SLC12A5: variants seen among roughly 807,000 people sequenced by gnomAD.
SLC12A5 encodes the protein K-Cl cotransporter 2.
In SLC12A5, 18 loss-of-function variants were observed where a neutral mutation model predicts 124.0. The observed-to-expected ratio is 0.15, with a 90% CI of 0.10 to 0.22. The LOEUF (loss-of-function observed/expected upper bound fraction) is 0.22, where lower values mean the gene tolerates loss of function less well. SLC12A5 is among the 10% of genes least tolerant of loss of function. The pLI, the probability that SLC12A5 is intolerant of heterozygous loss-of-function variation, is 1.00. For synonymous variants in SLC12A5, 589 were observed against 568.0 expected (o/e 1.04, Z -0.53); for missense variants, 867 against 1,478.7 (o/e 0.59, Z 6.78).
intron 7 of SLC12A5, 66 bp from the exon 8 acceptor site, chr20:46,041,263 G>T: frequency 1.4e-6 from 2 of 1,403,916 alleles, no homozygotes; most frequent in East Asian, 4.6e-5. Flanking sequence ...TCTCCCGGTG[G>T]CTGTATTGTG....
chr20:46,046,035 G>A, intron 13 of SLC12A5, 39 bp downstream of exon 13: 7 of 1,583,066 alleles, frequency 4.4e-6, no homozygotes, highest in Non-Finnish European at 6.1e-6. Flanking sequence ...CTGGTTCAGG[G>A]TGTTTCTCTA....
At chr20:46,041,747 C>A (rs762173156) in intron 8 of SLC12A5, among the ~76,000 whole-genome samples, 2 of 152,200 alleles carry the variant, frequency 1.3e-5, no homozygotes, top group Non-Finnish European at 2.9e-5. Flanking sequence ...GAAAAGAAGT[C>A]ATCAACGTAA....
intron 21 of SLC12A5, 42 bp downstream of exon 21, chr20:46,055,065 G>A: frequency 6.7e-7 from 1 of 1,486,816 alleles, no homozygotes; most frequent in East Asian, 2.3e-5. Context: ...TCAAACTGCT[G>A]CCAGTTCTGG....
rs776313049 is a variant in SLC12A5 at position 46,045,159 on chromosome 20, C to T, written c.1569+19C>T. The T allele has an allele frequency of 2.6e-6, 4 of 1,548,912 alleles. No homozygotes were observed. In the East Asian group the frequency reaches 9.0e-5, roughly 35 times the overall value. ...CCTGCAGGTCAGTGTGGGAGAAGAA[C>T]AGCCCACCCTCAGTAGACCAGCCAG... On this transcript the variant is annotated intron_variant, in intron 12 of 25. Coordinates refer to ENST00000243964, the MANE Select transcript of SLC12A5 (RefSeq NM_020708.5). This position sits in a 1 kb window ranked among gnomAD's most constrained non-coding sequence, Gnocchi z 4.9.
At chr20:46,025,478 C>T (rs1246662965), upstream of SLC12A5, among the ~76,000 whole-genome samples, 1 of 152,120 alleles carries the variant, frequency 6.6e-6, no homozygotes. Context: ...TCTCATCCCC[C>T]TCCTCTCCCC....
rs201268862 is a variant in SLC12A5 at position 46,053,031 on chromosome 20, C to A, written c.2452C>A (p.Pro818Thr). Residue 818 changes from proline to threonine, a missense_variant, in exon 19 of 26, where the codon CCT becomes ACT. Coordinates refer to ENST00000243964, the MANE Select transcript of SLC12A5 (RefSeq NM_020708.5). The surrounding 1 kb of genome is among the most constrained non-coding windows in gnomAD (Gnocchi z 4.7). ...GAACGTTTCCATGTTTCCTGGGAAC[C>A]CTGAGCGCTTCTCTGAGGGCAGCAT... is the stretch of plus-strand genomic sequence containing the variant. ...TKNVSMFPGN[P>T]ERFSEGSIDV... 6 of 1,614,042 alleles carry A rather than the reference C, an allele frequency of 3.7e-6. No individual in the cohort carries two copies. In the Admixed American group the frequency reaches 5.0e-5, roughly 13 times the overall value.
At chr20:46,051,062 G>C (rs2084642282) in intron 17 of SLC12A5, among the ~76,000 whole-genome samples, 1 of 152,188 alleles carries the variant, frequency 6.6e-6, no homozygotes, top group South Asian at 2.1e-4. Context: ...GTGGTTAAGA[G>C]TGTGGGGGTT....
intron 3 of SLC12A5, 50 bp downstream of exon 3, chr20:46,035,585 TGGGGGA>T: frequency 3.2e-6 from 1 of 308,086 alleles, no homozygotes; most frequent in Non-Finnish European, 5.4e-6. Context: ...GGATGGGGGG[TGGGGGA>T]GGATGGGGGA....
At chr20:46,046,263 C>T in intron 13 of SLC12A5, 75 bp from the exon 14 acceptor site, 2 of 1,353,246 alleles carry the variant, frequency 1.5e-6, no homozygotes, top group Admixed American at 3.5e-5. Context: ...TTCCCCCTTT[C>T]TCTGCCCATG....
chr20:46,054,325 G>A (rs6032637), intron 20 of SLC12A5, among the ~76,000 whole-genome samples: 28,670 of 152,154 alleles, frequency 0.19, 2,890 homozygotes, highest in South Asian at 0.29. Context: ...TGCCATTGAC[G>A]CACATACAAT....
chr20:46,021,953 C>G, intron 1 of SLC12A5: 1 of 1,413,926 alleles, frequency 7.1e-7, no homozygotes, highest in Non-Finnish European at 9.2e-7. Context: ...CGGGGCGGAC[C>G]GTCTGTTGAA....
chr20:46,042,733 G>A (rs2084558649), intron 8 of SLC12A5, among the ~76,000 whole-genome samples: 1 of 152,120 alleles, frequency 6.6e-6, no homozygotes, highest in Non-Finnish European at 1.5e-5. Flanking sequence ...GTTGGAGGTG[G>A]TATTGAAGTT....
intron 18 of SLC12A5, 132 bp from the exon 19 acceptor site, chr20:46,052,825 C>A: frequency 2.1e-6 from 2 of 956,388 alleles, no homozygotes; most frequent in Non-Finnish European, 3.1e-6. Context: ...TTTCTGACCA[C>A]TCAGCCCATG....
intron 9 of SLC12A5, 133 bp from the exon 10 acceptor site, chr20:46,043,500 C>A: frequency 1.7e-6 from 2 of 1,170,788 alleles, no homozygotes; most frequent in South Asian, 1.4e-5. Flanking sequence ...GTAACATGTC[C>A]AAGGTCTCAC....
At chr20:46,047,958 G>T (rs373891951) in intron 15 of SLC12A5, 23 bp from the exon 16 acceptor site, 35 of 1,589,520 alleles carry the variant, frequency 2.2e-5, no homozygotes, top group Admixed American at 1.4e-4. Flanking sequence ...CTGCTCTCAT[G>T]TGATCCACTT....
At position 46,046,232 on chromosome 20, in the gene SLC12A5, C is replaced by T. The variant is rs1303305826; in HGVS notation, c.1689-106C>T. ...TAAGCACCACAGCATGATCTGGCCA[C>T]CTCCTGACTTCCTGTCCCCTTTCCC... On this transcript the variant is annotated intron_variant, in intron 13 of 25. Coordinates refer to ENST00000243964, the MANE Select transcript of SLC12A5 (RefSeq NM_020708.5). The T allele has an allele frequency of 1.8e-5, 19 of 1,059,272 alleles. No individual in the cohort carries two copies. In the Admixed American group the frequency reaches 3.6e-4, roughly 20 times the overall value. The allele number at this position is 1,059,272 out of a possible 1,614,324, so 65.6% of individuals were successfully genotyped here. A position where few individuals can be genotyped will look rare whatever the true frequency, so the allele number is the denominator to read the frequency against.
rs1006216325 is a variant in SLC12A5 at position 46,059,336 on chromosome 20, T to C, written c.*1731T>C. On this transcript the variant is annotated 3_prime_UTR_variant, in exon 26 of 26. Coordinates refer to ENST00000243964, the MANE Select transcript of SLC12A5 (RefSeq NM_020708.5). Reference sequence around the variant, plus strand: ...CAGACAGCGTCAGGTGTGGCTGGGGTAGGTTTGGAGGTCTGCCAGTTACAC... The same window carrying C: ...CAGACAGCGTCAGGTGTGGCTGGGGCAGGTTTGGAGGTCTGCCAGTTACAC... 5.3e-6 allele frequency: 2 copies of C among 374,198 alleles called. No individual in the cohort carries two copies. Among genetic ancestry groups the C allele is most frequent in the Non-Finnish European group, 9.5e-6 (2 of 211,584 alleles). The allele number at this position is 374,198 out of a possible 1,614,324, so 23.2% of individuals were successfully genotyped here.
At chr20:46,030,399 C>T (rs1218926120) in intron 1 of SLC12A5, among the ~76,000 whole-genome samples, 1 of 152,328 alleles carries the variant, frequency 6.6e-6, no homozygotes, top group Admixed American at 6.5e-5. Flanking sequence ...TCCCGCTCTC[C>T]CCCGCCCTCC....
At chr20:46,046,020 C>T (rs200992040) in intron 13 of SLC12A5, 24 bp downstream of exon 13, 8 of 1,593,554 alleles carry the variant, frequency 5.0e-6, no homozygotes, top group South Asian at 1.1e-5. Flanking sequence ...TTCTTGCCCT[C>T]CCCCCTGGTT....
Sources: allele counts gnomAD v4.1 joint callset (sites outside exome capture counted in the v4.1 genomes callset), GRCh38; gene constraint gnomAD v4.1.1; non-coding constraint Gnocchi (gnomAD v3.1); transcripts MANE v1.5; gene names NCBI Gene and HGNC (gene_info 2026-07-23, HGNC 2026-07-21).